FAM20B: variants seen among roughly 807,000 people sequenced by gnomAD.
FAM20B encodes the protein glycosaminoglycan xylosylkinase.
FAM20B carries 23 observed loss-of-function variants against 43.8 expected under a neutral mutation model. That is an observed-to-expected ratio of 0.53 (90% CI 0.38 to 0.74). The LOEUF is 0.74. FAM20B is among the 30% of genes least tolerant of loss of function. FAM20B has a pLI of 0.00. For missense variants in FAM20B, 440 were observed against 510.5 expected (o/e 0.86, Z 1.33); for synonymous variants, 178 against 192.4 (o/e 0.93, Z 0.62).
At chr1:179,042,185 G>A (rs142952448) in intron 1 of FAM20B, among the ~76,000 whole-genome samples, 7 of 152,302 alleles carry the variant, frequency 4.6e-5, no homozygotes, top group African/African-American at 1.4e-4. Flanking sequence ...TGCTCAGCTC[G>A]TACTACTGGC....
intron 1 of FAM20B, among the ~76,000 whole-genome samples, chr1:179,033,923 C>T (rs1650112156): frequency 6.6e-6 from 1 of 152,130 alleles, no homozygotes. Flanking sequence ...AAACTCCCTA[C>T]CTTGGGTGAT....
intron 7 of FAM20B, among the ~76,000 whole-genome samples, chr1:179,069,463 C>T (rs557423519): frequency 2.6e-5 from 4 of 152,230 alleles, no homozygotes; most frequent in African/African-American, 7.2e-5. Flanking sequence ...CGCTGTCTCC[C>T]GGGTTCAGGC....
chr1:179,041,915 T>C (rs1650568210), intron 1 of FAM20B, among the ~76,000 whole-genome samples: 1 of 152,230 alleles, frequency 6.6e-6, no homozygotes, highest in Admixed American at 6.5e-5. Flanking sequence ...CTTGCTCTTT[T>C]GTTTTTGTTG....
At chr1:179,047,335 CTTA>C (rs753015279) in intron 2 of FAM20B, among the ~76,000 whole-genome samples, 3 of 152,208 alleles carry the variant, frequency 2.0e-5, no homozygotes, top group Non-Finnish European at 4.4e-5. Context: ...CCCCAGAAGA[CTTA>C]TTATCACTAT....
At position 179,072,753 on chromosome 1, in the gene FAM20B, A is replaced by G. The variant is rs1651979751; in HGVS notation, c.*609A>G. The G allele has an allele frequency of 6.6e-6, 1 of 152,412 alleles. No individual in the cohort carries two copies. The highest frequency in any genetic ancestry group is 2.4e-5 in the African/African-American group (1 of 41,466). The allele number at this position is 152,412 out of a possible 1,614,324, so 9.4% of individuals were successfully genotyped here. ...TAAGCCATTGGGTAGTATTGTTTTGATGATCTTAGAGGAGGGAAGAAGAGA... is the reference window on the plus strand; with the variant it reads ...TAAGCCATTGGGTAGTATTGTTTTGGTGATCTTAGAGGAGGGAAGAAGAGA... On this transcript the variant is annotated 3_prime_UTR_variant, in exon 8 of 8. Coordinates refer to ENST00000263733, the MANE Select transcript of FAM20B (RefSeq NM_014864.4).
At chr1:179,043,461 A>G (rs887448246) in intron 1 of FAM20B, among the ~76,000 whole-genome samples, 18 of 152,106 alleles carry the variant, frequency 1.2e-4, no homozygotes, top group Non-Finnish European at 2.9e-5. Flanking sequence ...AGCTCCTTCC[A>G]GCTCCGTGGA....
intron 2 of FAM20B, among the ~76,000 whole-genome samples, chr1:179,046,067 A>G (rs1315427302): frequency 6.6e-6 from 1 of 152,188 alleles, no homozygotes; most frequent in Non-Finnish European, 1.5e-5. Context: ...TATTTCCTGA[A>G]TAAGAAACTG....
At position 179,075,109 on chromosome 1, in the gene FAM20B, T is replaced by A. The variant is rs1032036661; in HGVS notation, c.*2965T>A. The A allele has an allele frequency of 2.0e-5, 3 of 152,056 alleles. No individual in the cohort carries two copies. Among genetic ancestry groups the A allele is most frequent in the African/African-American group, 7.3e-5 (3 of 41,370 alleles). 9.4% of individuals were successfully genotyped at this position (152,056 alleles called of 1,614,324 possible). A position where few individuals can be genotyped will look rare whatever the true frequency, so the allele number is the denominator to read the frequency against. On this transcript the variant is annotated 3_prime_UTR_variant, in exon 8 of 8. Transcript: ENST00000263733. ...CGGGAGGCTGAGGCAGGAGAATCAC[T>A]TGAATCCAGGAGGCGAAGGTTGCAG...
At chr1:179,033,101 G>A (rs1044039515) in intron 1 of FAM20B, among the ~76,000 whole-genome samples, 3 of 152,196 alleles carry the variant, frequency 2.0e-5, no homozygotes, top group Non-Finnish European at 2.9e-5. Context: ...CACGGTAAAA[G>A]CGTGTGTGTG....
intron 1 of FAM20B, among the ~76,000 whole-genome samples, chr1:179,041,319 G>T (rs1057245836): frequency 6.6e-6 from 1 of 152,192 alleles, no homozygotes; most frequent in Non-Finnish European, 1.5e-5. Flanking sequence ...GGGAGGTGGA[G>T]GTTGTAGCGA....
intron 2 of FAM20B, among the ~76,000 whole-genome samples, chr1:179,048,195 G>A (rs113282654): frequency 0.014 from 2,107 of 152,218 alleles, 40 homozygotes; most frequent in African/African-American, 0.046. Flanking sequence ...GCCTAGAAGC[G>A]CGTAGAAGTG....
At chr1:179,070,582 T>C (rs893291360) in intron 7 of FAM20B, among the ~76,000 whole-genome samples, 1 of 130,366 alleles carries the variant, frequency 7.7e-6, no homozygotes, top group South Asian at 2.6e-4. Flanking sequence ...TGGAGTGCAG[T>C]GGCACAATCT....
chr1:179,045,922 C>T (rs962758477), intron 2 of FAM20B, among the ~76,000 whole-genome samples: 1 of 151,272 alleles, frequency 6.6e-6, no homozygotes, highest in Non-Finnish European at 1.5e-5. Context: ...CAAAAAAAAA[C>T]CGTGGTTATG....
rs564330642 is a variant in FAM20B at position 179,040,208 on chromosome 1, C to T, written c.-133-3507C>T. Among the ~76,000 whole-genome samples the T allele has an allele frequency of 3.3e-3, 500 of 152,376 alleles. 3 individuals are homozygous for T. The highest frequency in any genetic ancestry group is 0.011 in the African/African-American group (475 of 41,590). ...TTCCCCCCTTTCTACTCCACAAAAC[C>T]GCCACTGTCATCATGGCCCGTTCCC... On this transcript the variant is annotated intron_variant, in intron 1 of 7. Transcript: ENST00000263733.
intron 7 of FAM20B, 80 bp from the exon 8 acceptor site, chr1:179,071,833 T>C: frequency 1.0e-6 from 1 of 968,534 alleles, no homozygotes; most frequent in Non-Finnish European, 1.6e-6. Flanking sequence ...ATTTTTTCAC[T>C]TTTGTCTGCC....
In FAM20B at chr1:179,075,803, C is replaced by T. The variant is rs1184033303; in HGVS notation, c.*3659C>T. The T allele has an allele frequency of 1.3e-5, 2 of 151,838 alleles. No individual in the cohort carries two copies. The highest frequency in any genetic ancestry group is 2.9e-5 in the Non-Finnish European group (2 of 67,960). 9.4% of individuals were successfully genotyped at this position (151,838 alleles called of 1,614,324 possible). ...AAAAAATGCTTTTGCCTTCCCTTCC[C>T]TTCCCATCCGCCATATTTCTTCAGC... is the stretch of plus-strand genomic sequence containing the variant. On this transcript the variant is annotated 3_prime_UTR_variant, in exon 8 of 8. Transcript: ENST00000263733.
intron 7 of FAM20B, among the ~76,000 whole-genome samples, chr1:179,067,765 T>C (rs1251369409): frequency 6.6e-6 from 1 of 152,202 alleles, no homozygotes; most frequent in Non-Finnish European, 1.5e-5. Context: ...TTTTATTTTT[T>C]ATTTTATTAT....
chr1:179,038,422 A>AG (rs1411785792), intron 1 of FAM20B, among the ~76,000 whole-genome samples: 1 of 151,858 alleles, frequency 6.6e-6, no homozygotes, highest in African/African-American at 2.4e-5. Flanking sequence ...AAAAAAAAAA[A>AG]AAAAGAAAAA....
At chr1:179,057,432 C>A (rs7549040) in intron 4 of FAM20B, among the ~76,000 whole-genome samples, 108,070 of 152,198 alleles carry the variant, frequency 0.71, 39,531 homozygotes, top group African/African-American at 0.88. Flanking sequence ...GTAAGTTGGC[C>A]TATAATACAA....
Sources: gnomAD v4.1 joint callset for allele counts (sites outside exome capture counted in the v4.1 genomes callset) on GRCh38, gnomAD v4.1.1 for gene constraint, MANE v1.5 for transcripts, NCBI Gene and HGNC (gene_info 2026-07-23, HGNC 2026-07-21) for gene names.